The following SEC14L3 variants were observed in gnomAD, a reference collection of about 807,000 sequenced individuals.
SEC14L3 encodes SEC14-like protein 3.
Under a neutral mutation model 57.4 loss-of-function variants are expected in SEC14L3, and 56 were observed. The observed-to-expected ratio is 0.97, with a 90% CI of 0.79 to 1.22. SEC14L3 has a LOEUF of 1.22. Among genes scored for constraint, SEC14L3 ranks in the 50% most tolerant of loss-of-function variants. The pLI is 0.00. For missense variants in SEC14L3, 485 were observed against 511.7 expected, an observed-to-expected ratio of 0.95 and a Z score of 0.50; for synonymous variants, 173 against 194.4, an observed-to-expected ratio of 0.89 and a Z score of 0.92.
At chr22:30,459,045 A>G (rs1935170989), downstream of SEC14L3, among the ~76,000 whole-genome samples, 1 of 151,892 alleles carries the variant, frequency 6.6e-6, no homozygotes. Context: ...CAAACAAACG[A>G]ACACCCCCTG....
At chr22:30,466,680 C>T (rs1409850694) in intron 6 of SEC14L3, among the ~76,000 whole-genome samples, 3 of 145,370 alleles carry the variant, frequency 2.1e-5, no homozygotes, top group Non-Finnish European at 4.5e-5. Context: ...AGTGTATATA[C>T]ACTTTACATA....
chr22:30,456,836 G>A (rs748188369), downstream of SEC14L3, among the ~76,000 whole-genome samples: 8 of 152,248 alleles, frequency 5.3e-5, no homozygotes, highest in Non-Finnish European at 8.8e-5. Flanking sequence ...AGAAGCTGGA[G>A]CTTGGGAAGC....
At chr22:30,455,145 T>C (rs1349208046), downstream of SEC14L3, among the ~76,000 whole-genome samples, 1 of 50,502 alleles carries the variant, frequency 2.0e-5, no homozygotes, top group African/African-American at 1.0e-4. Context: ...TAATATTTAA[T>C]ATATATTATA....
At chr22:30,471,138 A>G (rs1253111276) in intron 1 of SEC14L3, 3 of 349,846 alleles carry the variant, frequency 8.6e-6, no homozygotes. Context: ...TACAAAAATT[A>G]GCCAGGTGTG....
Position 30,459,439 on chromosome 22 carries a change from T to C in SEC14L3, c.*582A>G. On this transcript the variant is annotated 3_prime_UTR_variant, in exon 12 of 12. Coordinates refer to ENST00000215812, the MANE Select transcript of SEC14L3 (RefSeq NM_174975.5). ...CTCAAAAGACAGCCACTGCCAGAAA[T>C]CTGGAGACTGAATTGTCTGGGTCTC... The C allele has an allele frequency of 1.0e-6, 1 of 985,374 alleles. No homozygotes were observed. The highest frequency in any genetic ancestry group is 1.7e-5 in the African/African-American group (1 of 57,308). The allele number at this position is 985,374 out of a possible 1,614,324, so 61.0% of individuals were successfully genotyped here.
chr22:30,467,000 CAG>C lies in SEC14L3; in HGVS notation c.499_500del (p.Leu167GlyfsTer12). On this transcript the variant is annotated frameshift_variant, in exon 6 of 12. Transcript: ENST00000215812. LOFTEE classifies it high-confidence loss of function. ...GLGLKHFWKPLVEVYQEFFGL... is the reference protein window; with the variant it reads ...GLGLKHFWKPXVEVYQEFFGL... ...TCCTTACCTCCTGGTACACTTCTAC[CAG>C]AGGTTTCCAGAAGTGTTTCAGTCCC... 3 of 1,613,974 alleles carry C rather than the reference CAG, an allele frequency of 1.9e-6. No individual in the cohort carries two copies. In the Middle Eastern group the frequency reaches 5.0e-4, roughly 268 times the overall value.
At chr22:30,466,009 T>C (rs1233528275) in intron 7 of SEC14L3, among the ~76,000 whole-genome samples, 1 of 151,960 alleles carries the variant, frequency 6.6e-6, no homozygotes, top group Non-Finnish European at 1.5e-5. Flanking sequence ...CAGCTGGAGA[T>C]CCCTAAAAGG....
chr22:30,458,513 G>A (rs960183181), downstream of SEC14L3, among the ~76,000 whole-genome samples: 1 of 152,142 alleles, frequency 6.6e-6, no homozygotes, highest in Non-Finnish European at 1.5e-5. Flanking sequence ...CCTTCTCACT[G>A]CCTTTGTAAA....
At chr22:30,447,692 G>A (rs934146103), downstream of SEC14L3, among the ~76,000 whole-genome samples, 1 of 152,194 alleles carries the variant, frequency 6.6e-6, no homozygotes, top group Non-Finnish European at 1.5e-5. Context: ...TTTATTTTTG[G>A]TTTACAACTC....
chr22:30,470,792 G>C (rs1033578859), intron 1 of SEC14L3: 13 of 738,930 alleles, frequency 1.8e-5, no homozygotes, highest in Non-Finnish European at 2.1e-5. Flanking sequence ...TAAATGGTTA[G>C]AAAGAAGAAT....
At chr22:30,458,558 T>A (rs1336947212), downstream of SEC14L3, among the ~76,000 whole-genome samples, 2 of 152,174 alleles carry the variant, frequency 1.3e-5, no homozygotes, top group Admixed American at 6.6e-5. Context: ...CTTACTATAT[T>A]AAATTTTTTT....
intron 8 of SEC14L3, among the ~76,000 whole-genome samples, chr22:30,462,788 A>T (rs1216571367): frequency 6.8e-6 from 1 of 146,530 alleles, no homozygotes; most frequent in Non-Finnish European, 1.5e-5. Flanking sequence ...CCCAGGCTGG[A>T]GTGCAGTGGT....
Position 30,461,219 on chromosome 22 carries a change from G to C in SEC14L3, c.1081+91C>G, listed in dbSNP as rs915834185. The C allele has an allele frequency of 2.6e-5, 37 of 1,445,974 alleles. No homozygotes were observed. In the Admixed American group the frequency reaches 6.1e-4, roughly 24 times the overall value. 89.6% of individuals were successfully genotyped at this position (1,445,974 alleles called of 1,614,324 possible). ...AGGCTGTGTGTCCCTGAATGGGGGA[G>C]GTGTGTCACTGCCCCTCTGTTTCCT... is the stretch of plus-strand genomic sequence containing the variant. On this transcript the variant is annotated intron_variant, in intron 11 of 11. Transcript: ENST00000215812.
At position 30,468,580 on chromosome 22, in the gene SEC14L3, C is replaced by T. The variant is rs755011615; in HGVS notation, c.351G>A (p.Lys117=). 6.2e-7 allele frequency: 1 copy of T among 1,613,942 alleles called. No homozygotes were observed. Among genetic ancestry groups the T allele is most frequent in the South Asian group, 1.1e-5 (1 of 91,034 alleles). Reference sequence around the variant, plus strand: ...TCATCTTGGTCTTGAGCAGGTCCTGCTTGGTGACTGAGAAGAGCAACCCCT... The same window carrying T: ...TCATCTTGGTCTTGAGCAGGTCCTGTTTGGTGACTGAGAAGAGCAACCCCT... The part of the protein sequence containing the change: ...DPKGLLFSVT[K]QDLLKTKMRD... Residue 117 remains lysine (K), a synonymous_variant, in exon 5 of 12, where the codon AAG becomes AAA. Coordinates refer to ENST00000215812, the MANE Select transcript of SEC14L3 (RefSeq NM_174975.5).
At chr22:30,453,145 T>G (rs1935019857) in intron 12 of SEC14L3, among the ~76,000 whole-genome samples, 1 of 152,202 alleles carries the variant, frequency 6.6e-6, no homozygotes, top group Non-Finnish European at 1.5e-5. Context: ...TCCTACCACC[T>G]AGATCATCGT....
At chr22:30,449,768 T>G (rs538895465) in intron 12 of SEC14L3, among the ~76,000 whole-genome samples, 1 of 152,298 alleles carries the variant, frequency 6.6e-6, no homozygotes, top group African/African-American at 2.4e-5. Flanking sequence ...TTTCACCATG[T>G]TGGCCAGGCT....
chr22:30,470,172 C>A (rs1935557989), intron 3 of SEC14L3, 40 bp downstream of exon 3: 2 of 1,613,530 alleles, frequency 1.2e-6, no homozygotes, highest in Non-Finnish European at 8.5e-7. Flanking sequence ...TTGCCCCTGA[C>A]AAATCCCCTC....
chr22:30,467,070 T>A lies in SEC14L3; in HGVS notation c.431A>T (p.Lys144Met). 6.2e-7 allele frequency: 1 copy of A among 1,613,962 alleles called. No homozygotes were observed. The highest frequency in any genetic ancestry group is 8.5e-7 in the Non-Finnish European group (1 of 1,179,886). ...ECDLQTERLG[K>M]KIETIVMIFD... ...TATCATCACGATGGTCTCAATCTTC[T>A]TCCCTAGCTGCAAGGATGAGAGCAA... The change falls in exon 6 of 12, where the codon AAG becomes ATG. Residue 144 changes from lysine (K) to methionine (M), a missense_variant. Lys to Met is a moderately conservative substitution (Grantham distance 95). Transcript: ENST00000215812.
At chr22:30,450,207 C>T (rs1235172450) in intron 12 of SEC14L3, among the ~76,000 whole-genome samples, 5 of 152,174 alleles carry the variant, frequency 3.3e-5, no homozygotes, top group Admixed American at 1.3e-4. Flanking sequence ...AGGACGAGCC[C>T]TCTCACCCAG....
Sources: allele counts gnomAD v4.1 joint callset (sites outside exome capture counted in the v4.1 genomes callset), GRCh38; gene constraint gnomAD v4.1.1; transcripts MANE v1.5; gene names NCBI Gene and HGNC (gene_info 2026-07-23, HGNC 2026-07-21).